Variants in DSCAM observed in about 807,000 individuals in gnomAD.
DSCAM encodes DS cell adhesion molecule, also known as cell adhesion molecule DSCAM.
In DSCAM, 47 loss-of-function variants were observed where a neutral mutation model predicts 217.7. The observed-to-expected ratio is 0.22, with a 90% confidence interval of 0.17 to 0.28. The LOEUF is 0.28. DSCAM is among the 10% of genes least tolerant of loss of function. The probability of loss-of-function intolerance (pLI) is 1.00; values close to 1 mark genes in which losing one functional copy is unlikely to be tolerated. For synonymous variants in DSCAM, 1,056 were observed against 1,015.3 expected (o/e 1.04, Z -0.76); for missense variants, 2,080 against 2,618.3 (o/e 0.79, Z 4.49).
rs571065500 is a variant in DSCAM at position 40,804,255 on chromosome 21, T to C, written c.43+42364A>G. Among the ~76,000 whole-genome samples the C allele has an allele frequency of 3.3e-5, 5 of 152,316 alleles. No homozygotes were observed. In the South Asian group the frequency reaches 6.2e-4, roughly 19 times the overall value. On this transcript the variant is annotated intron_variant, in intron 1 of 32. Coordinates refer to ENST00000400454, the MANE Select transcript of DSCAM (RefSeq NM_001389.5). ...CAGAATCAGGGGAGCACAGAGTCCA[T>C]GCACCTTCCTTTAAATTGAAGCACA...
intron 1 of DSCAM, among the ~76,000 whole-genome samples, chr21:40,841,140 T>C (rs2092097788): frequency 5.9e-5 from 9 of 152,134 alleles, no homozygotes; most frequent in Admixed American, 5.2e-4. Context: ...AAGGATAATA[T>C]GGAGGGAACT....
intron 3 of DSCAM, among the ~76,000 whole-genome samples, chr21:40,525,149 G>A (rs1460135885): frequency 3.3e-5 from 5 of 151,780 alleles, no homozygotes; most frequent in Admixed American, 1.3e-4. Context: ...AAATAAATCT[G>A]TTCATACTAC....
chr21:40,807,175 G>T (rs1337915852), intron 1 of DSCAM, among the ~76,000 whole-genome samples: 1 of 152,048 alleles, frequency 6.6e-6, no homozygotes, highest in Non-Finnish European at 1.5e-5. Context: ...GTAATATAAG[G>T]AAAAACATAA....
At chr21:40,120,161 T>A (rs1315777271) in intron 20 of DSCAM, among the ~76,000 whole-genome samples, 1 of 152,158 alleles carries the variant, frequency 6.6e-6, no homozygotes, top group Non-Finnish European at 1.5e-5. Context: ...TAGTGGTGTA[T>A]TCTCACTGAT....
chr21:40,209,375 C>T (rs1226354684), intron 11 of DSCAM, among the ~76,000 whole-genome samples: 4 of 152,172 alleles, frequency 2.6e-5, no homozygotes. Context: ...CGTTGCATGG[C>T]GATGCCTGCA....
rs1286403213 is a variant in DSCAM at position 40,012,165 on chromosome 21, G to A, written c.*869C>T. On this transcript the variant is annotated 3_prime_UTR_variant, in exon 33 of 33. Coordinates refer to ENST00000400454, the MANE Select transcript of DSCAM (RefSeq NM_001389.5). ...AGGCAAGGGGCAGAGCTTTGCGACG[G>A]GCTTCGAATACTTGGGCTGGCCTCT... 2 of 152,224 alleles carry A rather than the reference G, an allele frequency of 1.3e-5. No homozygotes were observed. Among genetic ancestry groups the A allele is most frequent in the Admixed American group, 6.5e-5 (1 of 15,280 alleles). 9.4% of individuals were successfully genotyped at this position (152,224 alleles called of 1,614,324 possible).
At position 40,016,621 on chromosome 21, in the gene DSCAM, A is replaced by T. The variant is rs2088163150; in HGVS notation, c.5687-3235T>A. Among the ~76,000 whole-genome samples, 1 of 152,214 alleles carries T rather than the reference A, an allele frequency of 6.6e-6. No individual in the cohort carries two copies. Among genetic ancestry groups the T allele is most frequent in the African/African-American group, 2.4e-5 (1 of 41,460 alleles). On this transcript the variant is annotated intron_variant, in intron 32 of 32. Coordinates refer to ENST00000400454, the MANE Select transcript of DSCAM (RefSeq NM_001389.5). This position sits in a 1 kb window ranked among gnomAD's most constrained non-coding sequence, Gnocchi z 4.3. ...ATAATTAATTGAGCCTTCCTCATCC[A>T]GCCCCTTTGGACCCATAGGCCCCGA...
chr21:40,615,835 A>C (rs866773472), intron 3 of DSCAM, among the ~76,000 whole-genome samples: 13 of 152,250 alleles, frequency 8.5e-5, no homozygotes, highest in Admixed American at 5.2e-4. Flanking sequence ...GCTCTATTAA[A>C]AAAAGAAAAA....
At chr21:40,261,933 G>A (rs2073458185) in intron 11 of DSCAM, among the ~76,000 whole-genome samples, 1 of 152,102 alleles carries the variant, frequency 6.6e-6, no homozygotes, top group South Asian at 2.1e-4. Flanking sequence ...AGAGTGAGAT[G>A]AAGTCATGAG....
At chr21:40,259,637 A>G (rs1395452228) in intron 11 of DSCAM, among the ~76,000 whole-genome samples, 1 of 146,456 alleles carries the variant, frequency 6.8e-6, no homozygotes, top group Admixed American at 6.8e-5. Flanking sequence ...TCTTAGAGAG[A>G]ATGAAAGTTT....
intron 1 of DSCAM, among the ~76,000 whole-genome samples, chr21:40,726,629 A>C (rs1167922737): frequency 6.6e-6 from 1 of 152,130 alleles, no homozygotes; most frequent in East Asian, 1.9e-4. Flanking sequence ...AATCATGATC[A>C]GAAGGAGCCC....
At chr21:40,603,450 G>A (rs1206609608) in intron 3 of DSCAM, among the ~76,000 whole-genome samples, 1 of 152,126 alleles carries the variant, frequency 6.6e-6, no homozygotes, top group East Asian at 1.9e-4. Flanking sequence ...ATAACAGCAA[G>A]TTTTTCTAAT....
At chr21:40,247,070 G>A (rs1051451704) in intron 11 of DSCAM, among the ~76,000 whole-genome samples, 1 of 152,170 alleles carries the variant, frequency 6.6e-6, no homozygotes, top group Non-Finnish European at 1.5e-5. Context: ...ATCAGATATT[G>A]TGAGATGTAT....
At chr21:40,253,201 C>G (rs1164156378) in intron 11 of DSCAM, among the ~76,000 whole-genome samples, 2 of 152,232 alleles carry the variant, frequency 1.3e-5, no homozygotes, top group East Asian at 3.9e-4. Context: ...TTCTGTAGCA[C>G]AAGTCTCTGC....
At chr21:40,177,017 G>A (rs1883787209) in intron 15 of DSCAM, among the ~76,000 whole-genome samples, 1 of 152,238 alleles carries the variant, frequency 6.6e-6, no homozygotes, top group Non-Finnish European at 1.5e-5. Context: ...TTTTCCCGAG[G>A]AGGTGGCTGG....
chr21:40,394,794 T>C (rs1321105642), intron 3 of DSCAM, among the ~76,000 whole-genome samples: 1 of 152,170 alleles, frequency 6.6e-6, no homozygotes, highest in African/African-American at 2.4e-5. Context: ...CTGAGAACTG[T>C]AGAACCGAAG....
chr21:40,255,923 G>A (rs80184056), intron 11 of DSCAM, among the ~76,000 whole-genome samples: 6,089 of 152,172 alleles, frequency 0.04, 351 homozygotes, highest in East Asian at 0.22. Context: ...ACAGTGCTGC[G>A]GACGCTCTGA....
In DSCAM at chr21:40,081,903, C is replaced by G. The variant is rs549966160; in HGVS notation, c.4232-1563G>C. On this transcript the variant is annotated intron_variant, in intron 24 of 32. Coordinates refer to ENST00000400454, the MANE Select transcript of DSCAM (RefSeq NM_001389.5). ...TGGAAGACCTTGTGCTCTGACACACCCTTCTTGTTCTACCTCTCCCATGCT... is the reference window on the plus strand; with the variant it reads ...TGGAAGACCTTGTGCTCTGACACACGCTTCTTGTTCTACCTCTCCCATGCT... Among the ~76,000 whole-genome samples the G allele has an allele frequency of 2.6e-5, 4 of 152,302 alleles. No homozygotes were observed. In the South Asian group the frequency reaches 8.3e-4, roughly 32 times the overall value.
chr21:40,280,293 C>A (rs1362987060), intron 10 of DSCAM, among the ~76,000 whole-genome samples: 1 of 151,328 alleles, frequency 6.6e-6, no homozygotes, highest in African/African-American at 2.4e-5. Flanking sequence ...GCAATCCTCC[C>A]CCCTCAGCCT....
Sources: allele counts gnomAD v4.1 joint callset (sites outside exome capture counted in the v4.1 genomes callset), GRCh38; gene constraint gnomAD v4.1.1; non-coding constraint Gnocchi (gnomAD v3.1); transcripts MANE v1.5; gene names NCBI Gene and HGNC (gene_info 2026-07-23, HGNC 2026-07-21).